The following SPIN1 variants were observed in gnomAD, a reference collection of about 807,000 sequenced individuals.
SPIN1 encodes the protein spindlin-1.
SPIN1 carries 3 observed loss-of-function variants against 26.0 expected under a neutral mutation model. That is an observed-to-expected ratio of 0.12 (90% CI 0.05 to 0.30). The LOEUF (loss-of-function observed/expected upper bound fraction) is 0.30. Ranked by LOEUF, SPIN1 falls within the 10% of genes least tolerant of loss-of-function variation. The pLI, the probability that SPIN1 is intolerant of heterozygous loss-of-function variation, is 1.00. For synonymous variants in SPIN1, 101 were observed against 116.5 expected (o/e 0.87, Z 0.86); for missense variants, 126 against 333.4 (o/e 0.38, Z 4.84).
intron 4 of SPIN1, 77 bp from the exon 5 acceptor site, chr9:88,468,295 T>G: frequency 9.1e-7 from 1 of 1,101,982 alleles, no homozygotes; most frequent in Non-Finnish European, 1.3e-6. Flanking sequence ...TGTAGCCTTC[T>G]TTAGTAAATT....
At chr9:88,418,314 G>A (rs902079884) in intron 1 of SPIN1, among the ~76,000 whole-genome samples, 12 of 152,156 alleles carry the variant, frequency 7.9e-5, no homozygotes, top group African/African-American at 2.7e-4. Flanking sequence ...AGAGTTTTAG[G>A]AATTTGGGTA....
chr9:88,433,317 A>G (rs949430073), intron 2 of SPIN1, among the ~76,000 whole-genome samples: 3 of 152,146 alleles, frequency 2.0e-5, no homozygotes, highest in Non-Finnish European at 4.4e-5. Context: ...TCATGAGCTC[A>G]AGTGATCCAC....
Position 88,426,517 on chromosome 9 carries a change from G to T in SPIN1, c.-23G>T. 1 of 1,609,464 alleles carries T rather than the reference G, an allele frequency of 6.2e-7. No homozygotes were observed. On this transcript the variant is annotated 5_prime_UTR_variant, in exon 2 of 6. Coordinates refer to ENST00000375859, the MANE Select transcript of SPIN1 (RefSeq NM_006717.3). ...ATTTTCACCCTAGTCCAGCAGCTCC[G>T]CTGCTCACTTAAATACAGATGAATG...
At chr9:88,442,572 AT>A (rs1564034214) in intron 2 of SPIN1, among the ~76,000 whole-genome samples, 1 of 151,648 alleles carries the variant, frequency 6.6e-6, no homozygotes, top group Non-Finnish European at 1.5e-5. Flanking sequence ...TTTAGTAGAG[AT>A]GGGGTTTCAC....
chr9:88,472,681 C>G (rs553442762), intron 5 of SPIN1, among the ~76,000 whole-genome samples: 5 of 152,160 alleles, frequency 3.3e-5, no homozygotes, highest in Non-Finnish European at 7.4e-5. Flanking sequence ...TTAGTAGAGA[C>G]AGAGTTTCAC....
intron 1 of SPIN1, chr9:88,410,403 CAT>C: frequency 1.8e-6 from 1 of 560,784 alleles, no homozygotes; most frequent in South Asian, 1.7e-5. Flanking sequence ...TTGTCTAAAA[CAT>C]GTCTTCTTTG....
chr9:88,468,768 A>G (rs1011113985), intron 5 of SPIN1, among the ~76,000 whole-genome samples, 163 bp downstream of exon 5: 3 of 152,202 alleles, frequency 2.0e-5, no homozygotes, highest in Non-Finnish European at 2.9e-5. Flanking sequence ...TCCAGTTGTT[A>G]TAAATGTTAG....
intron 1 of SPIN1, among the ~76,000 whole-genome samples, chr9:88,406,015 G>C (rs1025835757): frequency 6.7e-6 from 1 of 149,224 alleles, no homozygotes; most frequent in Non-Finnish European, 1.5e-5. Flanking sequence ...CTGTGTGTGT[G>C]TGTGTGTGTG....
In SPIN1 at chr9:88,398,306, A is replaced by G. The variant is rs150661776; in HGVS notation, c.-159+9768A>G. Among the ~76,000 whole-genome samples the G allele has an allele frequency of 3.7e-4, 56 of 152,046 alleles. 1 individual carries two copies. The East Asian group carries it at 6.8e-3, about 18-fold the overall frequency. ...CTGCAGTCAAGTCCTCTTGGTGCTTATCAGAATTACAATGTTATATTAGTT... is the reference window on the plus strand; with the variant it reads ...CTGCAGTCAAGTCCTCTTGGTGCTTGTCAGAATTACAATGTTATATTAGTT... On this transcript the variant is annotated intron_variant, in intron 1 of 5. Transcript: ENST00000375859.
chr9:88,432,880 A>G lies in SPIN1; in HGVS notation c.52+6289A>G, dbSNP rs1052748047. 6.6e-5 allele frequency among the ~76,000 whole-genome samples: 10 copies of G among 151,666 alleles called. No individual in the cohort carries two copies. In the South Asian group the frequency reaches 1.3e-3, roughly 19 times the overall value. ...TTTTTTTAATTTCAGTCAGCAACTTAATTTCTAAGTGCCTTCCCTCTTCCT... is the reference window on the plus strand; with the variant it reads ...TTTTTTTAATTTCAGTCAGCAACTTGATTTCTAAGTGCCTTCCCTCTTCCT... On this transcript the variant is annotated intron_variant, in intron 2 of 5. Coordinates refer to ENST00000375859, the MANE Select transcript of SPIN1 (RefSeq NM_006717.3).
At chr9:88,423,941 T>C (rs1279158754) in intron 1 of SPIN1, among the ~76,000 whole-genome samples, 2 of 151,972 alleles carry the variant, frequency 1.3e-5, no homozygotes, top group Non-Finnish European at 2.9e-5. Context: ...AATTTTTTGT[T>C]GTGTTTTTTG....
intron 2 of SPIN1, among the ~76,000 whole-genome samples, chr9:88,434,094 A>G (rs1449794971): frequency 3.3e-5 from 5 of 152,026 alleles, no homozygotes; most frequent in Non-Finnish European, 5.9e-5. Context: ...ATTGGTTTAG[A>G]ATTTCTAATC....
At chr9:88,459,735 CTG>C (rs892254352) in intron 3 of SPIN1, among the ~76,000 whole-genome samples, 3 of 152,168 alleles carry the variant, frequency 2.0e-5, no homozygotes, top group African/African-American at 7.2e-5. Flanking sequence ...TGAACCTTCT[CTG>C]TGAGTTCCTT....
At chr9:88,446,600 G>GT (rs1828256869) in intron 2 of SPIN1, among the ~76,000 whole-genome samples, 2 of 151,844 alleles carry the variant, frequency 1.3e-5, no homozygotes, top group South Asian at 4.2e-4. Context: ...TAGAAACAGG[G>GT]TTTCACCATG....
At position 88,426,570 on chromosome 9, in the gene SPIN1, C is replaced by G; in HGVS notation, c.31C>G (p.Gln11Glu). The G allele has an allele frequency of 6.2e-7, 1 of 1,613,768 alleles. No individual in the cohort carries two copies. The highest frequency in any genetic ancestry group is 2.2e-5 in the East Asian group (1 of 44,844). The change falls in exon 2 of 6, where the codon CAG becomes GAG. Residue 11 changes from glutamine to glutamate, a missense_variant. This residue lies in a region of SPIN1 where 63 missense variants were observed against 101.3 expected (regional missense o/e 0.62). Transcript: ENST00000375859. ...GACCCCATTCGGAAAGACACCTGGC[C>G]AGCGGTCCAGAGCTGATGCAGGTAG... The part of the protein sequence containing the change: MKTPFGKTPG[Q>E]RSRADAGHAG...
chr9:88,464,459 A>G (rs919947668), intron 4 of SPIN1, among the ~76,000 whole-genome samples: 10 of 152,254 alleles, frequency 6.6e-5, no homozygotes, highest in African/African-American at 2.4e-4. Context: ...GTCAGCCAGA[A>G]TGCATGTGAT....
At chr9:88,408,383 T>C (rs539103891) in intron 1 of SPIN1, among the ~76,000 whole-genome samples, 16 of 145,728 alleles carry the variant, frequency 1.1e-4, no homozygotes, top group South Asian at 2.2e-4. Context: ...TTTCTTTTTT[T>C]TTTTTTTTTT....
chr9:88,458,418 A>G (rs756602613), intron 3 of SPIN1, among the ~76,000 whole-genome samples: 1 of 152,244 alleles, frequency 6.6e-6, no homozygotes, highest in Non-Finnish European at 1.5e-5. Flanking sequence ...TTGGCCAGAT[A>G]CAAGCCCCTT....
chr9:88,413,307 C>G (rs901889580), intron 1 of SPIN1, among the ~76,000 whole-genome samples: 7 of 151,896 alleles, frequency 4.6e-5, no homozygotes, highest in African/African-American at 1.7e-4. Flanking sequence ...ATCTGCCTGC[C>G]TTGGCCTCCT....
Sources: gnomAD v4.1 joint callset for allele counts (sites outside exome capture counted in the v4.1 genomes callset) on GRCh38, gnomAD v4.1.1 for gene constraint, gnomAD v4.1.1 regional missense constraint, MANE v1.5 for transcripts, NCBI Gene and HGNC (gene_info 2026-07-23, HGNC 2026-07-21) for gene names.